REEP6: variants seen among roughly 807,000 people sequenced by gnomAD.
REEP6 encodes receptor accessory protein 6.
A neutral mutation model predicts 22.4 loss-of-function variants in REEP6; 19 were observed. The ratio of observed to expected loss-of-function variants is 0.85; its 90% CI spans 0.59 to 1.25. The LOEUF (loss-of-function observed/expected upper bound fraction) is 1.25, where lower values mean the gene tolerates loss of function less well. Ranked by LOEUF, REEP6 falls within the 50% of genes most tolerant of loss-of-function variation. The probability of loss-of-function intolerance (pLI) is 0.00; values close to 1 mark genes in which losing one functional copy is unlikely to be tolerated. For missense variants in REEP6, 273 were observed against 251.9 expected (o/e 1.08, Z -0.57); for synonymous variants, 121 against 113.6 (o/e 1.06, Z -0.41).
chr19:1,495,724 C>G (rs76905339), intron 3 of REEP6, 117 bp downstream of exon 3: 61,482 of 1,375,404 alleles, frequency 0.045, 2,157 homozygotes, highest in African/African-American at 0.11. Flanking sequence ...GAGGGGAAGA[C>G]TCAGTCCCTT....
chr19:1,496,802 G>T (rs529264612), intron 4 of REEP6: 1 of 586,566 alleles, frequency 1.7e-6, no homozygotes, highest in African/African-American at 1.8e-5. Flanking sequence ...TGTGCAAGAG[G>T]GTGCGTGTGC....
At position 1,491,213 on chromosome 19, in the gene REEP6, G is replaced by A. The variant is rs770047660; in HGVS notation, c.-57G>A. On this transcript the variant is annotated 5_prime_UTR_variant, in exon 1 of 5. In the 5' UTR this introduces an upstream ATG that the reference lacks. Coordinates refer to ENST00000233596, the MANE Select transcript of REEP6 (RefSeq NM_138393.4). The surrounding 1 kb of genome is among the most constrained non-coding windows in gnomAD (Gnocchi z 5.4). ...GGGAAAGCGGTGCGCGTGCAGCGGG[G>A]TGGGTGCCCTGGTCCGCGGGCGAGC... is the stretch of plus-strand genomic sequence containing the variant. 9 of 1,250,962 alleles carry A rather than the reference G, an allele frequency of 7.2e-6. No individual in the cohort carries two copies. The highest frequency in any genetic ancestry group is 4.7e-5 in the South Asian group (3 of 63,844). 77.5% of individuals were successfully genotyped at this position (1,250,962 alleles called of 1,614,324 possible).
chr19:1,496,729 C>CGT (rs917092579), intron 4 of REEP6: 15 of 653,150 alleles, frequency 2.3e-5, no homozygotes, highest in Admixed American at 4.3e-5. Context: ...CGCGCGCGCG[C>CGT]GCGTGTGTTT....
rs542913230 is a variant in REEP6 at position 1,497,854 on chromosome 19, C to G, written c.*643C>G. 3 of 470,332 alleles carry G rather than the reference C, an allele frequency of 6.4e-6. No individual in the cohort carries two copies. The highest frequency in any genetic ancestry group is 8.8e-6 in the Non-Finnish European group (2 of 226,662). The allele number at this position is 470,332 out of a possible 1,614,324, so 29.1% of individuals were successfully genotyped here. ...TGCAGCTGGCCACACCACAGGCCCC[C>G]GTGCCTGCAGCACTACTGGTGCCTG... is the stretch of plus-strand genomic sequence containing the variant. On this transcript the variant is annotated 3_prime_UTR_variant, in exon 5 of 5. Coordinates refer to ENST00000233596, the MANE Select transcript of REEP6 (RefSeq NM_138393.4). The surrounding 1 kb of genome is among the most constrained non-coding windows in gnomAD (Gnocchi z 6.5).
chr19:1,495,653 G>C, intron 3 of REEP6, 46 bp downstream of exon 3: 1 of 1,611,278 alleles, frequency 6.2e-7, no homozygotes, highest in Non-Finnish European at 8.5e-7. Flanking sequence ...CATGGGGCTT[G>C]GGGATTCCTG....
Position 1,491,205 on chromosome 19 carries a change from G to T in REEP6, c.-65G>T, listed in dbSNP as rs2084928106. On this transcript the variant is annotated 5_prime_UTR_variant, in exon 1 of 5. Transcript: ENST00000233596. The surrounding 1 kb of genome is among the most constrained non-coding windows in gnomAD (Gnocchi z 5.4). ...CAGGCTGCGGGAAAGCGGTGCGCGTGCAGCGGGGTGGGTGCCCTGGTCCGC... is the reference window on the plus strand; with the variant it reads ...CAGGCTGCGGGAAAGCGGTGCGCGTTCAGCGGGGTGGGTGCCCTGGTCCGC... 8.7e-7 allele frequency: 1 copy of T among 1,154,044 alleles called. No homozygotes were observed. Among genetic ancestry groups the T allele is most frequent in the Non-Finnish European group, 1.2e-6 (1 of 856,698 alleles). 71.5% of individuals were successfully genotyped at this position (1,154,044 alleles called of 1,614,324 possible). A position where few individuals can be genotyped will look rare whatever the true frequency, so the allele number is the denominator to read the frequency against.
chr19:1,493,762 A>C (rs1356810230), intron 1 of REEP6, among the ~76,000 whole-genome samples: 1 of 60,250 alleles, frequency 1.7e-5, no homozygotes, highest in Non-Finnish European at 3.6e-5. Context: ...CCTTGCTGGG[A>C]CTGTGTTATA....
Position 1,491,362 on chromosome 19 carries a change from G to T in REEP6, c.93G>T (p.Val31=), listed in dbSNP as rs1274417939. ...GGGCGCTGGAGGCCAAGACCGGGGT[G>T]GAGAAGCGGTATCTGGCTGCAGGTG... ...VLGALEAKTG[V]EKRYLAAGAV... is the part of the protein sequence containing the mutation. Residue 31 remains valine (V), a synonymous_variant, in exon 1 of 5, where the codon GTG becomes GTT. Transcript: ENST00000233596. The surrounding 1 kb of genome is among the most constrained non-coding windows in gnomAD (Gnocchi z 5.4). 7.5e-6 allele frequency: 11 copies of T among 1,471,330 alleles called. No individual in the cohort carries two copies. In the East Asian group the frequency reaches 3.3e-4, roughly 44 times the overall value. The allele number at this position is 1,471,330 out of a possible 1,614,324, so 91.1% of individuals were successfully genotyped here.
chr19:1,496,599 G>A, intron 4 of REEP6, 146 bp downstream of exon 4: 1 of 1,058,508 alleles, frequency 9.4e-7, no homozygotes, highest in Non-Finnish European at 1.4e-6. Flanking sequence ...AGTCTTGCAG[G>A]TCCTGGCCCG....
rs757418880 is a variant in REEP6, at chr19:1,495,339, C to T, written c.161C>T (p.Ala54Val). The stretch of plus-strand genomic sequence containing the variant: ...CTGTATCTGCTGTTCGGCTACGGAG[C>T]GTCTCTGCTGTGCAATCTCATCGGA... ...LSLYLLFGYGASLLCNLIGFV... is the reference protein window; with the variant it reads ...LSLYLLFGYGVSLLCNLIGFV... The change falls in exon 2 of 5, where the codon GCG becomes GTG. Residue 54 changes from alanine (A) to valine (V), a missense_variant. Ala to Val is a moderately conservative substitution (Grantham distance 64). Coordinates refer to ENST00000233596, the MANE Select transcript of REEP6 (RefSeq NM_138393.4). 2.4e-5 allele frequency: 39 copies of T among 1,613,630 alleles called. No individual in the cohort carries two copies. Among genetic ancestry groups the T allele is most frequent in the Admixed American group, 1.8e-4 (11 of 60,036 alleles).
Position 1,492,152 on chromosome 19 carries a change from C to T in REEP6, c.115+768C>T, listed in dbSNP as rs540121962. Among the ~76,000 whole-genome samples the T allele has an allele frequency of 4.8e-3, 738 of 152,240 alleles. 5 individuals carry two copies. The highest frequency in any genetic ancestry group is 8.2e-3 in the Non-Finnish European group (556 of 68,006). ...TTTTTTGAGACCGAGTCTTGCTCTG[C>T]TGCCCAGGCTGGAGTGCAGTGGTGT... On this transcript the variant is annotated intron_variant, in intron 1 of 4. Transcript: ENST00000233596.
At chr19:1,492,508 C>T (rs180772192) in intron 1 of REEP6, among the ~76,000 whole-genome samples, 1 of 152,188 alleles carries the variant, frequency 6.6e-6, no homozygotes, top group Non-Finnish European at 1.5e-5. Context: ...TGGGCTCAAG[C>T]GATCCTCCTG....
intron 1 of REEP6, among the ~76,000 whole-genome samples, chr19:1,493,418 C>T (rs2084982146): frequency 6.6e-6 from 1 of 152,052 alleles, no homozygotes; most frequent in Non-Finnish European, 1.5e-5. Flanking sequence ...TGGATAAAGA[C>T]TAAAGCAGGT....
intron 1 of REEP6, among the ~76,000 whole-genome samples, chr19:1,494,510 C>T (rs1685649426): frequency 6.6e-6 from 1 of 152,140 alleles, no homozygotes; most frequent in Admixed American, 6.5e-5. Context: ...ATCAGCAGTG[C>T]CAAGGCAGAG....
In REEP6 at chr19:1,496,137, A is replaced by G. The variant is rs537807882; in HGVS notation, c.349-148A>G. The G allele has an allele frequency of 3.2e-6, 3 of 937,352 alleles. No individual in the cohort carries two copies. The Admixed American group carries it at 8.6e-5, about 27-fold the overall frequency. The allele number at this position is 937,352 out of a possible 1,614,324, so 58.1% of individuals were successfully genotyped here. On this transcript the variant is annotated intron_variant, in intron 3 of 4. Transcript: ENST00000233596. ...CAGGCCCATCCCAATAGGACGTCTG[A>G]TGGTGGCGGGCCCACCCTAAAGGGT... is the stretch of plus-strand genomic sequence containing the variant.
rs999634768 is a variant in REEP6 at position 1,497,551 on chromosome 19, C to A, written c.*340C>A. The A allele has an allele frequency of 2.5e-5, 15 of 594,426 alleles. No homozygotes were observed. In the African/African-American group the frequency reaches 2.6e-4, roughly 10 times the overall value. The allele number at this position is 594,426 out of a possible 1,614,324, so 36.8% of individuals were successfully genotyped here. A position where few individuals can be genotyped will look rare whatever the true frequency, so the allele number is the denominator to read the frequency against. On this transcript the variant is annotated 3_prime_UTR_variant, in exon 5 of 5. Transcript: ENST00000233596. The surrounding 1 kb of genome is among the most constrained non-coding windows in gnomAD (Gnocchi z 6.5). ...CCGCCTGGTACTTCCTCCAGCCCCT[C>A]CCAGTCAGCCCTCCCGTCCTCGGGG...
At position 1,497,023 on chromosome 19, in the gene REEP6, C is replaced by T. The variant is rs145369679; in HGVS notation, c.518-151C>T. The T allele has an allele frequency of 3.2e-6, 2 of 632,048 alleles. No individual in the cohort carries two copies. Among genetic ancestry groups the T allele is most frequent in the African/African-American group, 1.8e-5 (1 of 54,488 alleles). The allele number at this position is 632,048 out of a possible 1,614,324, so 39.2% of individuals were successfully genotyped here. A position where few individuals can be genotyped will look rare whatever the true frequency, so the allele number is the denominator to read the frequency against. On this transcript the variant is annotated intron_variant, in intron 4 of 4. Transcript: ENST00000233596. This position sits in a 1 kb window ranked among gnomAD's most constrained non-coding sequence, Gnocchi z 6.5. ...TGTGCATGGGTGACCATGAAAGCCTCTGTGTGGTTGACACCATCTCTGCTG... is the reference window on the plus strand; with the variant it reads ...TGTGCATGGGTGACCATGAAAGCCTTTGTGTGGTTGACACCATCTCTGCTG...
intron 3 of REEP6, 142 bp from the exon 4 acceptor site, chr19:1,496,143 G>A: frequency 1.0e-6 from 1 of 998,730 alleles, no homozygotes; most frequent in Non-Finnish European, 1.4e-6. Flanking sequence ...TCTGATGGTG[G>A]CGGGCCCACC....
Position 1,491,405 on chromosome 19 carries a change from C to T in REEP6, c.115+21C>T, listed in dbSNP as rs1010095005. The T allele has an allele frequency of 2.2e-6, 3 of 1,388,316 alleles. No individual in the cohort carries two copies. The highest frequency in any genetic ancestry group is 1.9e-6 in the Non-Finnish European group (2 of 1,065,064). The allele number at this position is 1,388,316 out of a possible 1,614,324, so 86.0% of individuals were successfully genotyped here. On this transcript the variant is annotated intron_variant, in intron 1 of 4. Coordinates refer to ENST00000233596, the MANE Select transcript of REEP6 (RefSeq NM_138393.4). This position sits in a 1 kb window ranked among gnomAD's most constrained non-coding sequence, Gnocchi z 5.4. ...TGCAGGTGAGCCGTCGGCGCTAGCC[C>T]GTTTCGCCGACGGGCACACCGAGGC...
Sources: allele counts gnomAD v4.1 joint callset (sites outside exome capture counted in the v4.1 genomes callset), GRCh38; gene constraint gnomAD v4.1.1; non-coding constraint Gnocchi (gnomAD v3.1); transcripts MANE v1.5; gene names NCBI Gene and HGNC (gene_info 2026-07-23, HGNC 2026-07-21).